EIF5B: variants seen among roughly 807,000 people sequenced by gnomAD.
EIF5B encodes eIF-5B.
A neutral mutation model predicts 147.5 loss-of-function variants in EIF5B; 47 were observed. The ratio of observed to expected loss-of-function variants is 0.32; its 90% CI spans 0.25 to 0.41. The LOEUF is 0.41. EIF5B is among the 10% of genes least tolerant of loss of function. The pLI, the probability that EIF5B is intolerant of heterozygous loss-of-function variation, is 1.00. For missense variants in EIF5B, 1,064 were observed against 1,413.2 expected (o/e 0.75, Z 3.96); for synonymous variants, 455 against 456.2 (o/e 1.00, Z 0.03).
intron 21 of EIF5B, among the ~76,000 whole-genome samples, chr2:99,396,077 C>G (rs1574943059): frequency 6.6e-6 from 1 of 152,152 alleles, no homozygotes; most frequent in African/African-American, 2.4e-5. Context: ...CTAGGTGATT[C>G]AGACCACAGT....
At chr2:99,365,645 G>A (rs1030919367) in intron 6 of EIF5B, among the ~76,000 whole-genome samples, 4 of 151,960 alleles carry the variant, frequency 2.6e-5, no homozygotes, top group Non-Finnish European at 4.4e-5. Context: ...TAGACTTGTA[G>A]TTATGGAAAT....
At position 99,399,605 on chromosome 2, in the gene EIF5B, TA is replaced by T; in HGVS notation, c.*192del. The T allele has an allele frequency of 1.8e-6, 1 of 544,786 alleles. No individual in the cohort carries two copies. Among genetic ancestry groups the T allele is most frequent in the Non-Finnish European group, 3.3e-6 (1 of 302,072 alleles). 33.7% of individuals were successfully genotyped at this position (544,786 alleles called of 1,614,324 possible). A position where few individuals can be genotyped will look rare whatever the true frequency, so the allele number is the denominator to read the frequency against. On this transcript the variant is annotated 3_prime_UTR_variant, in exon 24 of 24. Transcript: ENST00000289371. ...TTACACTGGTTTGACAGTGGTCAGT[TA>T]CATGTCCCCACAGTTCCAATGTGCC...
chr2:99,388,190 A>G (rs1466484594), intron 14 of EIF5B, among the ~76,000 whole-genome samples: 1 of 152,210 alleles, frequency 6.6e-6, no homozygotes, highest in African/African-American at 2.4e-5. Context: ...TCTTTTGTAA[A>G]TAATGTGAGT....
Position 99,398,802 on chromosome 2 carries a change from G to A in EIF5B, c.3448G>A (p.Val1150Ile), listed in dbSNP as rs775154291. The A allele has an allele frequency of 2.5e-6, 4 of 1,613,800 alleles. No homozygotes were observed. The highest frequency in any genetic ancestry group is 2.5e-6 in the Non-Finnish European group (3 of 1,179,932). Residue 1150 changes from valine (V) to isoleucine (I), a missense_variant, in exon 23 of 24, where the codon GTT becomes ATT. Transcript: ENST00000289371. ...TGAAATAAACCATAAACAAGTGGAT[G>A]TTGCAAAAAAAGGACAAGAAGTTTG... Reference protein sequence around the residue: ...SIEINHKQVDVAKKGQEVCVK... With the variant: ...SIEINHKQVDIAKKGQEVCVK...
At chr2:99,376,740 A>C in intron 10 of EIF5B, 104 bp downstream of exon 10, 7 of 1,437,078 alleles carry the variant, frequency 4.9e-6, no homozygotes, top group African/African-American at 1.4e-5. Context: ...ATGTATTCTC[A>C]AGAATAGAAC....
intron 14 of EIF5B, among the ~76,000 whole-genome samples, chr2:99,384,765 T>G (rs1674765518): frequency 6.6e-6 from 1 of 152,166 alleles, no homozygotes; most frequent in Non-Finnish European, 1.5e-5. Context: ...AACTGGAATT[T>G]GAAGTGGAAC....
chr2:99,376,420 AGAAGAT>A lies in EIF5B; in HGVS notation c.1632_1637del (p.Asp544_Glu545del). 6.4e-7 allele frequency: 1 copy of A among 1,570,816 alleles called. No homozygotes were observed. Among genetic ancestry groups the A allele is most frequent in the African/African-American group, 1.4e-5 (1 of 73,580 alleles). On this transcript the variant is annotated inframe_deletion, in exon 10 of 24. Coordinates refer to ENST00000289371, the MANE Select transcript of EIF5B (RefSeq NM_015904.4). ...AGGAGGAGGAGGAAGAAGAGGAAGA[AGAAGAT>A]GAAGAAAGTGAAGAAGAGGAGGAAG...
chr2:99,344,962 T>C (rs1308562930), intron 1 of EIF5B, among the ~76,000 whole-genome samples: 1 of 152,218 alleles, frequency 6.6e-6, no homozygotes. Flanking sequence ...TAATGTATTA[T>C]AAGAAACATT....
intron 14 of EIF5B, among the ~76,000 whole-genome samples, chr2:99,388,311 C>G (rs752806012): frequency 6.6e-6 from 1 of 152,106 alleles, no homozygotes; most frequent in Non-Finnish European, 1.5e-5. Context: ...ACTAGACCTT[C>G]TAAATAATGT....
chr2:99,383,349 G>C (rs1027608304), intron 14 of EIF5B, among the ~76,000 whole-genome samples: 2 of 152,148 alleles, frequency 1.3e-5, no homozygotes, highest in Admixed American at 6.5e-5. Flanking sequence ...TGCTCTGACT[G>C]CTCCAGCAAC....
rs1559263544 is a variant in EIF5B, at chr2:99,399,411, C to T, written c.3660C>T (p.Ile1220=). The part of the protein sequence containing the change: ...IVELKKVFEI[I] ...AGCTGAAGAAAGTATTTGAAATCATCTAATTTTTTCACATGGAGCAGGAAC... is the reference window on the plus strand; with the variant it reads ...AGCTGAAGAAAGTATTTGAAATCATTTAATTTTTTCACATGGAGCAGGAAC... Residue 1220 remains isoleucine, a synonymous_variant, in exon 24 of 24, where the codon ATC becomes ATT. Coordinates refer to ENST00000289371, the MANE Select transcript of EIF5B (RefSeq NM_015904.4). 6.2e-7 allele frequency: 1 copy of T among 1,613,740 alleles called. No individual in the cohort carries two copies. The highest frequency in any genetic ancestry group is 1.7e-5 in the Admixed American group (1 of 60,022).
At chr2:99,339,006 AT>A (rs1189175387) in intron 1 of EIF5B, among the ~76,000 whole-genome samples, 3,154 of 137,128 alleles carry the variant, frequency 0.023, 58 homozygotes, top group Middle Eastern at 0.034. Context: ...ATATATATAC[AT>A]TTTTTTTTTT....
chr2:99,337,661 G>T, intron 1 of EIF5B, 72 bp downstream of exon 1: 1 of 1,526,324 alleles, frequency 6.6e-7, no homozygotes, highest in Non-Finnish European at 8.8e-7. Flanking sequence ...CGCCGGGCGC[G>T]GCGTCGGACC....
chr2:99,364,216 AT>A, intron 5 of EIF5B, 54 bp from the exon 6 acceptor site: 2 of 1,514,914 alleles, frequency 1.3e-6, no homozygotes, highest in Non-Finnish European at 1.8e-6. Context: ...TTACATTTGA[AT>A]TTTATAGTTC....
At chr2:99,343,326 T>C (rs2094264878) in intron 1 of EIF5B, among the ~76,000 whole-genome samples, 1 of 151,552 alleles carries the variant, frequency 6.6e-6, no homozygotes, top group African/African-American at 2.4e-5. Context: ...TTATCAGATA[T>C]ATGATTTGCA....
chr2:99,392,287 C>A (rs891415795), intron 17 of EIF5B, among the ~76,000 whole-genome samples: 2 of 152,006 alleles, frequency 1.3e-5, no homozygotes, highest in Non-Finnish European at 2.9e-5. Context: ...GTTGGCCAGG[C>A]TAGTCTCGAA....
intron 1 of EIF5B, among the ~76,000 whole-genome samples, chr2:99,356,826 A>C (rs1559246834): frequency 6.6e-6 from 1 of 152,140 alleles, no homozygotes; most frequent in Non-Finnish European, 1.5e-5. Flanking sequence ...ATAGGTATAT[A>C]CCACTATCTC....
At chr2:99,337,970 C>G (rs1010240990) in intron 1 of EIF5B, among the ~76,000 whole-genome samples, 2 of 152,198 alleles carry the variant, frequency 1.3e-5, no homozygotes, top group African/African-American at 4.8e-5. Flanking sequence ...GCCTCTTATA[C>G]CTGTGAGTAC....
At chr2:99,364,576 A>G (rs1351827308) in intron 6 of EIF5B, among the ~76,000 whole-genome samples, 155 bp downstream of exon 6, 1 of 152,252 alleles carries the variant, frequency 6.6e-6, no homozygotes, top group African/African-American at 2.4e-5. Flanking sequence ...AGGTGATGTC[A>G]TTTCATTGTT....
Sources: gnomAD v4.1 joint callset for allele counts (sites outside exome capture counted in the v4.1 genomes callset) on GRCh38, gnomAD v4.1.1 for gene constraint, MANE v1.5 for transcripts, NCBI Gene and HGNC (gene_info 2026-07-23, HGNC 2026-07-21) for gene names.